Variants in GTF2F2 observed in about 807,000 individuals in gnomAD.
GTF2F2 encodes the protein ATP-dependent helicase GTF2F2.
A neutral mutation model predicts 42.2 loss-of-function variants in GTF2F2; 23 were observed. That is an observed-to-expected ratio of 0.55 (90% CI 0.39 to 0.77). The LOEUF (loss-of-function observed/expected upper bound fraction) is 0.77. Among genes scored for constraint, GTF2F2 ranks in the 30% least tolerant of loss-of-function variants. GTF2F2 has a pLI of 0.00. For synonymous variants in GTF2F2, 105 were observed against 100.8 expected, an observed-to-expected ratio of 1.04 and a Z score of -0.25; for missense variants, 261 against 287.2, an observed-to-expected ratio of 0.91 and a Z score of 0.66.
At chr13:45,280,849 T>G (rs1450540611) in intron 7 of GTF2F2, among the ~76,000 whole-genome samples, 1 of 152,236 alleles carries the variant, frequency 6.6e-6, no homozygotes, top group Non-Finnish European at 1.5e-5. Flanking sequence ...AAAATGCTCC[T>G]GGCAATTGTT....
chr13:45,224,245 C>T (rs1267102727), intron 5 of GTF2F2, among the ~76,000 whole-genome samples: 1 of 152,224 alleles, frequency 6.6e-6, no homozygotes, highest in African/African-American at 2.4e-5. Flanking sequence ...TATCAGGTAT[C>T]ATTTTGTCAT....
chr13:45,276,564 G>A (rs1251307341), intron 7 of GTF2F2, among the ~76,000 whole-genome samples: 8 of 151,852 alleles, frequency 5.3e-5, no homozygotes, highest in African/African-American at 1.7e-4. Context: ...AGCTTCCCAA[G>A]TAGCTGGGAC....
chr13:45,206,568 T>G (rs1873421291), intron 4 of GTF2F2: 1 of 152,256 alleles, frequency 6.6e-6, no homozygotes, highest in Non-Finnish European at 1.5e-5. Flanking sequence ...TGTGGAAATA[T>G]GACTGTTTCT....
chr13:45,266,038 A>C (rs1261987030), intron 6 of GTF2F2, among the ~76,000 whole-genome samples: 1 of 152,230 alleles, frequency 6.6e-6, no homozygotes, highest in Non-Finnish European at 1.5e-5. Context: ...TATTTTAAGT[A>C]AAAAGGGTGA....
chr13:45,195,377 G>A (rs989783662), intron 4 of GTF2F2, among the ~76,000 whole-genome samples: 3 of 151,700 alleles, frequency 2.0e-5, no homozygotes, highest in Non-Finnish European at 4.4e-5. Flanking sequence ...TGTTTCACTC[G>A]GAGCCTGCTT....
At chr13:45,199,568 A>G (rs1443138415) in intron 4 of GTF2F2, among the ~76,000 whole-genome samples, 2 of 152,176 alleles carry the variant, frequency 1.3e-5, no homozygotes, top group East Asian at 1.9e-4. Flanking sequence ...GGAAAATTCT[A>G]TTGTAACCAG....
At chr13:45,174,523 T>C (rs1871766008) in intron 4 of GTF2F2, among the ~76,000 whole-genome samples, 1 of 152,122 alleles carries the variant, frequency 6.6e-6, no homozygotes. Context: ...TTTAAGCCTT[T>C]ATTCCTCAGT....
At chr13:45,262,477 G>T (rs1239779284) in intron 6 of GTF2F2, among the ~76,000 whole-genome samples, 2 of 152,064 alleles carry the variant, frequency 1.3e-5, no homozygotes, top group Non-Finnish European at 2.9e-5. Flanking sequence ...GCCCAGGTTG[G>T]AGTGCATTGG....
At chr13:45,186,254 C>G (rs973083578) in intron 4 of GTF2F2, among the ~76,000 whole-genome samples, 5 of 149,838 alleles carry the variant, frequency 3.3e-5, no homozygotes, top group African/African-American at 7.4e-5. Flanking sequence ...AGATTACAGG[C>G]GTGAGCCCCG....
chr13:45,203,313 G>C (rs1873286280), intron 4 of GTF2F2, among the ~76,000 whole-genome samples: 1 of 150,238 alleles, frequency 6.7e-6, no homozygotes, highest in Non-Finnish European at 1.5e-5. Flanking sequence ...TCAAACTCCT[G>C]GCCTCAAGTG....
At chr13:45,143,687 G>A (rs1405576651) in intron 2 of GTF2F2, among the ~76,000 whole-genome samples, 2 of 152,140 alleles carry the variant, frequency 1.3e-5, no homozygotes, top group Non-Finnish European at 2.9e-5. Context: ...TATTCCAGAA[G>A]ACAGGGCTGT....
chr13:45,218,895 G>GT (rs1873995587), intron 5 of GTF2F2, among the ~76,000 whole-genome samples: 1 of 152,160 alleles, frequency 6.6e-6, no homozygotes, highest in Admixed American at 6.5e-5. Context: ...TCCTAAGTGT[G>GT]TTACATTCTA....
At chr13:45,170,919 G>GAGGA (rs1871563757) in intron 4 of GTF2F2, among the ~76,000 whole-genome samples, 1 of 152,154 alleles carries the variant, frequency 6.6e-6, no homozygotes, top group African/African-American at 2.4e-5. Context: ...AGAGAGAGTG[G>GAGGA]AGGAAGATCA....
At position 45,283,511 on chromosome 13, in the gene GTF2F2, G is replaced by A; in HGVS notation, c.700G>A (p.Glu234Lys). 22 of 1,612,826 alleles carry A rather than the reference G, an allele frequency of 1.4e-5. No individual in the cohort carries two copies. The highest frequency in any genetic ancestry group is 1.9e-5 in the Non-Finnish European group (22 of 1,179,104). Residue 234 changes from glutamate to lysine, a missense_variant, in exon 8 of 8, where the codon GAG becomes AAG. Glu to Lys is a moderately conservative substitution (Grantham distance 56). Transcript: ENST00000340473. ...NVKGIHKNTWELKPEYRHYQG... is the reference protein window; with the variant it reads ...NVKGIHKNTWKLKPEYRHYQG... ...AAAAGGGATCCACAAAAACACATGG[G>A]AGCTGAAGCCAGAGTACAGACACTA...
intron 1 of GTF2F2, among the ~76,000 whole-genome samples, chr13:45,125,709 C>T (rs1868960844): frequency 6.6e-6 from 1 of 152,130 alleles, no homozygotes; most frequent in Non-Finnish European, 1.5e-5. Flanking sequence ...CTTGTCAGTT[C>T]TGTATCTTGA....
chr13:45,194,255 G>A (rs781421611), intron 4 of GTF2F2: 11 of 1,613,932 alleles, frequency 6.8e-6, no homozygotes, highest in African/African-American at 4.0e-5. Flanking sequence ...TGATTTTCTC[G>A]AAACCCTTCG....
At chr13:45,197,339 A>AT (rs1266556834) in intron 4 of GTF2F2, among the ~76,000 whole-genome samples, 8 of 131,320 alleles carry the variant, frequency 6.1e-5, no homozygotes, top group African/African-American at 2.7e-4. Flanking sequence ...TCTACCAAAA[A>AT]TTAAAAAAAA....
In GTF2F2 at chr13:45,169,422, C is replaced by T. The variant is rs9595255; in HGVS notation, c.304+17591C>T. 6.2e-3 allele frequency among the ~76,000 whole-genome samples: 946 copies of T among 152,226 alleles called. 10 individuals carry two copies. The highest frequency in any genetic ancestry group is 0.02 in the African/African-American group (851 of 41,548). On this transcript the variant is annotated intron_variant, in intron 4 of 7. Transcript: ENST00000340473. ...GAAGAAGCCAAAGTTGTAGGCACCT[C>T]GATCTTGGACTTCAGCCCCCAGTAC...
intron 5 of GTF2F2, among the ~76,000 whole-genome samples, chr13:45,217,544 T>C (rs1256589943): frequency 6.6e-6 from 1 of 152,228 alleles, no homozygotes; most frequent in Non-Finnish European, 1.5e-5. Context: ...CAGTTAACAC[T>C]AGTAGAGCAA....
Sources: gnomAD v4.1 joint callset for allele counts (sites outside exome capture counted in the v4.1 genomes callset) on GRCh38, gnomAD v4.1.1 for gene constraint, MANE v1.5 for transcripts, NCBI Gene and HGNC (gene_info 2026-07-23, HGNC 2026-07-21) for gene names.